Variants in CTNNA2 observed in about 807,000 individuals in gnomAD.
CTNNA2 encodes catenin alpha-2.
CTNNA2 carries 42 observed loss-of-function variants against 101.0 expected under a neutral mutation model. That is an observed-to-expected ratio of 0.42 (90% CI 0.32 to 0.54). CTNNA2 has a LOEUF of 0.54. Ranked by LOEUF, CTNNA2 falls within the 20% of genes least tolerant of loss-of-function variation. The pLI, the probability that CTNNA2 is intolerant of heterozygous loss-of-function variation, is 0.14. For synonymous variants in CTNNA2, 450 were observed against 456.4 expected, an observed-to-expected ratio of 0.99 and a Z score of 0.18; for missense variants, 871 against 1,223.1, an observed-to-expected ratio of 0.71 and a Z score of 4.29.
chr2:80,466,524 C>G (rs1684866416), intron 9 of CTNNA2, among the ~76,000 whole-genome samples: 1 of 152,002 alleles, frequency 6.6e-6, no homozygotes. Context: ...AGAGGAGCCT[C>G]TTAATAAAAA....
At chr2:80,375,086 C>G (rs1675815837) in intron 7 of CTNNA2, among the ~76,000 whole-genome samples, 1 of 152,150 alleles carries the variant, frequency 6.6e-6, no homozygotes, top group Non-Finnish European at 1.5e-5. Context: ...CCTTCTACCC[C>G]TGGAGTCACT....
intron 9 of CTNNA2, among the ~76,000 whole-genome samples, chr2:80,503,098 G>T (rs570829034): frequency 1.3e-5 from 2 of 152,226 alleles, no homozygotes; most frequent in African/African-American, 4.8e-5. Flanking sequence ...GCTTGAGTCT[G>T]GGAGGTGGAG....
intron 7 of CTNNA2, among the ~76,000 whole-genome samples, chr2:80,375,122 A>G (rs994112567): frequency 1.4e-4 from 22 of 152,016 alleles, no homozygotes; most frequent in African/African-American, 5.1e-4. Flanking sequence ...AAATTATGAT[A>G]CTCAGACTGT....
chr2:79,881,391 CTAATAT>C (rs1386246087), intron 6 of CTNNA2, among the ~76,000 whole-genome samples: 4 of 152,124 alleles, frequency 2.6e-5, no homozygotes, highest in African/African-American at 7.2e-5. Context: ...GTTGATCTCT[CTAATAT>C]TGACAGTGGG....
intron 7 of CTNNA2, among the ~76,000 whole-genome samples, chr2:80,328,093 AG>A (rs1670985624): frequency 6.6e-6 from 1 of 152,194 alleles, no homozygotes; most frequent in Non-Finnish European, 1.5e-5. Context: ...TGGAGTGATG[AG>A]GAGAGCTCTC....
chr2:79,738,609 G>C (rs1375825713), intron 2 of CTNNA2, among the ~76,000 whole-genome samples: 1 of 152,204 alleles, frequency 6.6e-6, no homozygotes, highest in Non-Finnish European at 1.5e-5. Flanking sequence ...AGAAGGAAAT[G>C]ATTATTGCTA....
chr2:80,594,959 C>A (rs1375800797), intron 15 of CTNNA2, among the ~76,000 whole-genome samples: 3 of 151,878 alleles, frequency 2.0e-5, no homozygotes, highest in Non-Finnish European at 4.4e-5. Flanking sequence ...AATTTTTGTT[C>A]TTTTCAAGAT....
At chr2:79,433,983 TG>T (rs1464847927) in intron 4 of CTNNA2, among the ~76,000 whole-genome samples, 1 of 151,808 alleles carries the variant, frequency 6.6e-6, no homozygotes, top group African/African-American at 2.4e-5. Flanking sequence ...TTTAGAGAGG[TG>T]GTTCTTAAAA....
At chr2:79,849,263 A>G (rs1285343913) in intron 3 of CTNNA2, among the ~76,000 whole-genome samples, 1 of 151,472 alleles carries the variant, frequency 6.6e-6, no homozygotes, top group African/African-American at 2.4e-5. Flanking sequence ...TAATATTTAC[A>G]TAGTTTTGGT....
Position 79,968,409 on chromosome 2 carries a change from G to A in CTNNA2, c.1056+58612G>A, listed in dbSNP as rs372424985. ...ATAGTTTTAAAATAGGCTGAGTGCAGTGGTGGCTATGAACCCAGGAATCAG... is the reference window on the plus strand; with the variant it reads ...ATAGTTTTAAAATAGGCTGAGTGCAATGGTGGCTATGAACCCAGGAATCAG... On this transcript the variant is annotated intron_variant, in intron 7 of 18. Coordinates refer to ENST00000402739, the MANE Select transcript of CTNNA2 (RefSeq NM_001282597.3). 1.9e-4 allele frequency among the ~76,000 whole-genome samples: 29 copies of A among 152,280 alleles called. No homozygotes were observed. In the South Asian group the frequency reaches 4.1e-3, roughly 22 times the overall value.
chr2:80,590,253 C>A (rs1465669824), intron 15 of CTNNA2, among the ~76,000 whole-genome samples: 1 of 152,150 alleles, frequency 6.6e-6, no homozygotes, highest in Non-Finnish European at 1.5e-5. Context: ...TCAGTAGGAA[C>A]CTCCCTGAAT....
chr2:80,461,811 T>C (rs979476606), intron 9 of CTNNA2, among the ~76,000 whole-genome samples: 5 of 152,186 alleles, frequency 3.3e-5, no homozygotes, highest in Admixed American at 3.3e-4. Context: ...TTTCCAGAAG[T>C]ATATCCTCCC....
chr2:80,110,792 T>A (rs1701169936), intron 7 of CTNNA2, among the ~76,000 whole-genome samples: 1 of 152,214 alleles, frequency 6.6e-6, no homozygotes, highest in Non-Finnish European at 1.5e-5. Flanking sequence ...GGATATTAAC[T>A]GAAACATCTT....
intron 4 of CTNNA2, among the ~76,000 whole-genome samples, chr2:79,867,372 T>A (rs1425628989): frequency 1.3e-5 from 2 of 152,074 alleles, no homozygotes; most frequent in Non-Finnish European, 2.9e-5. Context: ...CCATCAATCA[T>A]CTATCTAATC....
chr2:79,223,040 G>C (rs951642803), intron 2 of CTNNA2, among the ~76,000 whole-genome samples: 32 of 152,130 alleles, frequency 2.1e-4, no homozygotes, highest in African/African-American at 7.2e-4. Context: ...CACATTTATA[G>C]TCCCAGCTAC....
intron 2 of CTNNA2, among the ~76,000 whole-genome samples, chr2:79,264,125 C>A (rs1674959619): frequency 6.6e-6 from 1 of 152,012 alleles, no homozygotes; most frequent in Non-Finnish European, 1.5e-5. Flanking sequence ...AATAATATAA[C>A]TGGAATGAAG....
intron 7 of CTNNA2, among the ~76,000 whole-genome samples, chr2:80,266,703 A>C (rs574501584): frequency 2.0e-5 from 3 of 152,212 alleles, no homozygotes; most frequent in African/African-American, 7.2e-5. Flanking sequence ...GCTGTACTTC[A>C]TCAGAAGAAG....
intron 2 of CTNNA2, among the ~76,000 whole-genome samples, chr2:79,282,120 A>G (rs1326483424): frequency 6.6e-6 from 1 of 152,178 alleles, no homozygotes. Context: ...AGAAAATTAG[A>G]AATTTTCAGA....
At chr2:79,505,623 T>G (rs941305909) in intron 5 of CTNNA2, among the ~76,000 whole-genome samples, 2 of 152,146 alleles carry the variant, frequency 1.3e-5, no homozygotes, top group Non-Finnish European at 1.5e-5. Flanking sequence ...TCTCAACCAA[T>G]GCCTGTGGAA....
Sources: allele counts gnomAD v4.1 joint callset (sites outside exome capture counted in the v4.1 genomes callset), GRCh38; gene constraint gnomAD v4.1.1; transcripts MANE v1.5; gene names NCBI Gene and HGNC (gene_info 2026-07-23, HGNC 2026-07-21).